The following COL18A1 variants were observed in gnomAD, a reference collection of about 807,000 sequenced individuals.
The protein encoded by COL18A1 is collagen type XVIII alpha 1 chain.
In COL18A1, 133 loss-of-function variants were observed where a neutral mutation model predicts 168.0. The ratio of observed to expected loss-of-function variants is 0.79; its 90% confidence interval spans 0.69 to 0.91. The LOEUF is 0.91. COL18A1 is among the 40% of genes least tolerant of loss of function. COL18A1 has a pLI of 0.00. For synonymous variants in COL18A1, 949 were observed against 809.0 expected, an observed-to-expected ratio of 1.17 and a Z score of -2.94; for missense variants, 2,126 against 1,925.4, an observed-to-expected ratio of 1.10 and a Z score of -1.95.
chr21:45,439,128 TA>T (rs1336494085), intron 2 of COL18A1, among the ~76,000 whole-genome samples: 1 of 152,248 alleles, frequency 6.6e-6, no homozygotes, highest in African/African-American at 2.4e-5. Context: ...AAACTACACT[TA>T]ACGTTTTTTA....
chr21:45,507,659 C>T (rs2037302542), intron 38 of COL18A1, 66 bp downstream of exon 38: 1 of 1,465,274 alleles, frequency 6.8e-7, no homozygotes, highest in Non-Finnish European at 9.5e-7. Context: ...GTGCTGTCCC[C>T]TGTTTGAGGA....
chr21:45,434,790 A>T (rs1602372898), intron 2 of COL18A1, among the ~76,000 whole-genome samples: 1 of 117,256 alleles, frequency 8.5e-6, no homozygotes, highest in Admixed American at 8.2e-5. Flanking sequence ...GGTGGGTTGC[A>T]GCCCCCAGAG....
At chr21:45,435,095 A>G (rs923244821) in intron 2 of COL18A1, among the ~76,000 whole-genome samples, 1 of 151,842 alleles carries the variant, frequency 6.6e-6, no homozygotes, top group African/African-American at 2.4e-5. Context: ...CCTGGTCCCC[A>G]TTCTTCTGTG....
Position 45,504,495 on chromosome 21 carries a change from GC to G in COL18A1, c.2809del (p.Leu937CysfsTer94). On this transcript the variant is annotated frameshift_variant, in exon 34 of 42. Transcript: ENST00000651438. LOFTEE classifies it high-confidence loss of function. ...GGGGGCGGCGGTTTCTTCGGCTCCAGCCTGCCCGGCCCCCCCGGCCCCCCAG... is the reference window on the plus strand; with the variant it reads ...GGGGGCGGCGGTTTCTTCGGCTCCAGCTGCCCGGCCCCCCCGGCCCCCCAG... ...EPGGGGFFGS[S>X]LPGPPGPPGP... 1 of 1,520,548 alleles carries G rather than the reference GC, an allele frequency of 6.6e-7. No homozygotes were observed. The highest frequency in any genetic ancestry group is 8.7e-7 in the Non-Finnish European group (1 of 1,144,162). The allele number at this position is 1,520,548 out of a possible 1,614,324, so 94.2% of individuals were successfully genotyped here. A position where few individuals can be genotyped will look rare whatever the true frequency, so the allele number is the denominator to read the frequency against.
At chr21:45,445,448 T>A (rs543412645) in intron 2 of COL18A1, among the ~76,000 whole-genome samples, 7 of 152,254 alleles carry the variant, frequency 4.6e-5, no homozygotes, top group Non-Finnish European at 8.8e-5. Flanking sequence ...TGTGGACGTG[T>A]GTCTTCGTTT....
chr21:45,507,537 G>C (rs2037290332), intron 37 of COL18A1, 24 bp from the exon 38 acceptor site: 1 of 1,610,372 alleles, frequency 6.2e-7, no homozygotes. Flanking sequence ...GCAGGTCCTG[G>C]GTGACCCTGC....
chr21:45,428,180 G>T (rs1051616840), intron 2 of COL18A1, among the ~76,000 whole-genome samples: 1 of 152,204 alleles, frequency 6.6e-6, no homozygotes, highest in African/African-American at 2.4e-5. Context: ...GGCGGCGTCT[G>T]GGCCTGGGGG....
chr21:45,506,054 G>A (rs112864061), intron 37 of COL18A1, 88 bp downstream of exon 37: 28,939 of 1,593,586 alleles, frequency 0.018, 391 homozygotes, highest in Middle Eastern at 0.048. Context: ...CTCAGGCCCC[G>A]GACAGGGATG....
chr21:45,441,251 A>G (rs946325221), intron 2 of COL18A1, among the ~76,000 whole-genome samples: 3 of 152,138 alleles, frequency 2.0e-5, no homozygotes, highest in Non-Finnish European at 2.9e-5. Context: ...TACTTCTGGC[A>G]CACGCTCCTC....
At position 45,512,473 on chromosome 21, in the gene COL18A1, G is replaced by A. The variant is rs1022464119; in HGVS notation, c.*75G>A. The stretch of plus-strand genomic sequence containing the variant: ...CCCCCACCGTGGGCAGGGAGCGGCC[G>A]GCCAGCCCCTGGCCCCAGGACCTGG... On this transcript the variant is annotated 3_prime_UTR_variant, in exon 42 of 42. Coordinates refer to ENST00000651438, the MANE Select transcript of COL18A1 (RefSeq NM_001379500.1). 39 of 1,429,144 alleles carry A rather than the reference G, an allele frequency of 2.7e-5. No homozygotes were observed. The highest frequency in any genetic ancestry group is 6.1e-5 in the South Asian group (5 of 82,620). The allele number at this position is 1,429,144 out of a possible 1,614,324, so 88.5% of individuals were successfully genotyped here.
intron 8 of COL18A1, 62 bp downstream of exon 8, chr21:45,478,027 G>A: frequency 1.1e-6 from 1 of 940,192 alleles, no homozygotes; most frequent in Non-Finnish European, 1.6e-6. Context: ...GGGTAGGAGG[G>A]GGAGAGGCTG....
intron 15 of COL18A1, among the ~76,000 whole-genome samples, chr21:45,483,242 C>T (rs1471438970): frequency 2.6e-5 from 4 of 152,108 alleles, no homozygotes; most frequent in African/African-American, 9.7e-5. Context: ...CAACATCCCC[C>T]CATAGGGGAG....
At chr21:45,476,542 G>T in intron 6 of COL18A1, 62 bp downstream of exon 6, 2 of 1,537,336 alleles carry the variant, frequency 1.3e-6, no homozygotes, top group Non-Finnish European at 1.8e-6. Flanking sequence ...TGTAACGTGT[G>T]TTTGTGTGAT....
intron 2 of COL18A1, among the ~76,000 whole-genome samples, chr21:45,460,769 A>AT (rs147169737): frequency 0.028 from 4,285 of 152,258 alleles, 212 homozygotes; most frequent in African/African-American, 0.097. Flanking sequence ...ACCTACAAAT[A>AT]TTTTTTCGAT....
chr21:45,406,318 C>G (rs912380712), intron 2 of COL18A1, among the ~76,000 whole-genome samples: 2 of 152,176 alleles, frequency 1.3e-5, no homozygotes, highest in African/African-American at 2.4e-5. Context: ...GCCTCCGACT[C>G]GACTCCACAC....
At chr21:45,483,743 G>A (rs2035977817) in intron 15 of COL18A1, among the ~76,000 whole-genome samples, 1 of 152,230 alleles carries the variant, frequency 6.6e-6, no homozygotes, top group Non-Finnish European at 1.5e-5. Context: ...TCCAGGATGG[G>A]GGTGATGAGG....
chr21:45,428,747 C>T (rs1436507145), intron 2 of COL18A1, among the ~76,000 whole-genome samples: 3 of 152,162 alleles, frequency 2.0e-5, no homozygotes, highest in Admixed American at 6.5e-5. Context: ...TCACAAGCCT[C>T]ACGTTTCCAG....
chr21:45,477,307 C>T lies in COL18A1; in HGVS notation c.929-104C>T, dbSNP rs2236462. 89,247 of 869,752 alleles carry T rather than the reference C, an allele frequency of 0.1. 5,439 individuals are homozygous for T. The highest frequency in any genetic ancestry group is 0.21 in the East Asian group (7,897 of 37,916). The allele number at this position is 869,752 out of a possible 1,614,324, so 53.9% of individuals were successfully genotyped here. A position where few individuals can be genotyped will look rare whatever the true frequency, so the allele number is the denominator to read the frequency against. ...GATCTGACAGTGTCCAGCCGGGCTC[C>T]AGGACTGAAAGCGTTTGGGCTGCCG... On this transcript the variant is annotated intron_variant, in intron 6 of 41. Transcript: ENST00000651438.
chr21:45,476,246 C>A (rs767342469), intron 5 of COL18A1, 105 bp from the exon 6 acceptor site: 34 of 1,530,374 alleles, frequency 2.2e-5, no homozygotes, highest in African/African-American at 2.7e-5. Context: ...GAGGATTTTT[C>A]TTTATCTTTC....
Sources: allele counts gnomAD v4.1 joint callset (sites outside exome capture counted in the v4.1 genomes callset), GRCh38; gene constraint gnomAD v4.1.1; transcripts MANE v1.5; gene names NCBI Gene and HGNC (gene_info 2026-07-23, HGNC 2026-07-21).